Variants in RBMS3 observed in about 807,000 individuals in gnomAD.
RBMS3 encodes RNA-binding motif, single-stranded-interacting protein 3.
RBMS3 carries 27 observed loss-of-function variants against 66.8 expected under a neutral mutation model. The ratio of observed to expected loss-of-function variants is 0.40; its 90% CI spans 0.30 to 0.56. RBMS3 has a LOEUF of 0.56. Among genes scored for constraint, RBMS3 ranks in the 20% least tolerant of loss-of-function variants. The pLI, the probability that RBMS3 is intolerant of heterozygous loss-of-function variation, is 0.40. For missense variants in RBMS3, 513 were observed against 549.5 expected (o/e 0.93, Z 0.66); for synonymous variants, 188 against 183.0 (o/e 1.03, Z -0.22).
chr3:29,836,900 A>G lies in RBMS3; in HGVS notation c.638-31958A>G, dbSNP rs577615043. Among the ~76,000 whole-genome samples the G allele has an allele frequency of 5.3e-4, 80 of 152,028 alleles. 1 individual carries two copies. The highest frequency in any genetic ancestry group is 1.9e-3 in the African/African-American group (77 of 41,482). ...GTGGGGAGAAAACCTCTAATGTTTAACTTAAGTACAGGACAAAAAACTAGC... is the reference window on the plus strand; with the variant it reads ...GTGGGGAGAAAACCTCTAATGTTTAGCTTAAGTACAGGACAAAAAACTAGC... On this transcript the variant is annotated intron_variant, in intron 6 of 14. Coordinates refer to ENST00000383767, the MANE Select transcript of RBMS3 (RefSeq NM_001003793.3).
chr3:29,777,240 T>G (rs887980925), intron 6 of RBMS3, among the ~76,000 whole-genome samples: 1 of 151,908 alleles, frequency 6.6e-6, no homozygotes, highest in African/African-American at 2.4e-5. Context: ...ATACTGGGTG[T>G]CTATTTGTGA....
intron 3 of RBMS3, among the ~76,000 whole-genome samples, chr3:29,502,143 C>T (rs948230023): frequency 6.6e-6 from 1 of 151,990 alleles, no homozygotes; most frequent in Non-Finnish European, 1.5e-5. Flanking sequence ...TAAAACCAGC[C>T]CGCTTCACTC....
At chr3:29,722,824 A>G (rs12374076) in intron 4 of RBMS3, among the ~76,000 whole-genome samples, 83,051 of 151,748 alleles carry the variant, frequency 0.55, 23,040 homozygotes, top group African/African-American at 0.64. Flanking sequence ...GAGGCACAAG[A>G]TACTCATTCA....
Position 29,625,739 on chromosome 3 carries a change from A to AATAAATAT in RBMS3, c.399+38535_399+38536insTAAATATA, listed in dbSNP as rs150565021. On this transcript the variant is annotated intron_variant, in intron 4 of 14. Coordinates refer to ENST00000383767, the MANE Select transcript of RBMS3 (RefSeq NM_001003793.3). The stretch of plus-strand genomic sequence containing the variant: ...AAATAAATAAATAAATAAATAAATA[A>AATAAATAT]AAATAATCTTTTCTTGGTGAAGCTT... 4.4e-3 allele frequency among the ~76,000 whole-genome samples: 663 copies of AATAAATAT among 150,196 alleles called. 14 individuals are homozygous for AATAAATAT. Among genetic ancestry groups the AATAAATAT allele is most frequent in the African/African-American group, 8.5e-3 (344 of 40,524 alleles).
intron 1 of RBMS3, among the ~76,000 whole-genome samples, chr3:29,423,492 A>G (rs2040830390): frequency 6.6e-6 from 1 of 152,216 alleles, no homozygotes; most frequent in East Asian, 1.9e-4. Context: ...TATGGTTTCT[A>G]CTAAAAGGAG....
chr3:29,283,472 A>G (rs1242269238), intron 1 of RBMS3, among the ~76,000 whole-genome samples: 1 of 152,128 alleles, frequency 6.6e-6, no homozygotes, highest in Non-Finnish European at 1.5e-5. Flanking sequence ...TGTGTGCGAG[A>G]GAGAGAAAGA....
At chr3:29,976,766 A>G (rs937687566) in intron 12 of RBMS3, among the ~76,000 whole-genome samples, 1 of 149,410 alleles carries the variant, frequency 6.7e-6, no homozygotes. Flanking sequence ...AATGGTATCA[A>G]TTTGCCAAAC....
At chr3:29,591,129 G>A (rs1200680942) in intron 4 of RBMS3, among the ~76,000 whole-genome samples, 1 of 152,168 alleles carries the variant, frequency 6.6e-6, no homozygotes, top group African/African-American at 2.4e-5. Flanking sequence ...TCTGCAAGCA[G>A]AGAAAATTAA....
chr3:29,647,165 G>T (rs1176520634), intron 4 of RBMS3, among the ~76,000 whole-genome samples: 1 of 152,154 alleles, frequency 6.6e-6, no homozygotes, highest in African/African-American at 2.4e-5. Context: ...TTTTAGTAGA[G>T]ATGGGGTTTC....
At chr3:29,853,867 A>G (rs1384700522) in intron 6 of RBMS3, among the ~76,000 whole-genome samples, 1 of 152,006 alleles carries the variant, frequency 6.6e-6, no homozygotes, top group Non-Finnish European at 1.5e-5. Context: ...ACCTGCCCCT[A>G]CTTGCTAGTT....
rs1696500923 is a variant in RBMS3 at position 29,962,084 on chromosome 3, A to G, written c.1098+17830A>G. ...TAATATATTATTATATATTGTATATATAATAAGATATATATACATATCTTT... is the reference window on the plus strand; with the variant it reads ...TAATATATTATTATATATTGTATATGTAATAAGATATATATACATATCTTT... On this transcript the variant is annotated intron_variant, in intron 12 of 14. Coordinates refer to ENST00000383767, the MANE Select transcript of RBMS3 (RefSeq NM_001003793.3). Among the ~76,000 whole-genome samples the G allele has an allele frequency of 2.1e-5, 3 of 145,572 alleles. No homozygotes were observed. In the Admixed American group the frequency reaches 2.1e-4, roughly 10 times the overall value.
intron 3 of RBMS3, among the ~76,000 whole-genome samples, chr3:29,490,282 CA>C (rs1050840272): frequency 2.7e-5 from 4 of 146,210 alleles, no homozygotes; most frequent in East Asian, 4.0e-4. Context: ...GGAGTGGAAA[CA>C]AAAAAAAATG....
intron 14 of RBMS3, among the ~76,000 whole-genome samples, chr3:29,999,578 A>G (rs1378974821): frequency 6.6e-6 from 1 of 152,232 alleles, no homozygotes; most frequent in African/African-American, 2.4e-5. Context: ...CTATGCAGCC[A>G]CAAAAAATGA....
chr3:29,430,080 T>C (rs1424667172), intron 1 of RBMS3, among the ~76,000 whole-genome samples: 1 of 152,164 alleles, frequency 6.6e-6, no homozygotes, highest in Non-Finnish European at 1.5e-5. Context: ...TTCCGGGAAC[T>C]TTCTGCCAAC....
intron 1 of RBMS3, among the ~76,000 whole-genome samples, chr3:29,384,152 C>CA (rs61402359): frequency 6.6e-6 from 1 of 151,794 alleles, no homozygotes; most frequent in Non-Finnish European, 1.5e-5. Flanking sequence ...AGCATATCTA[C>CA]AAAAAATACA....
At chr3:29,763,044 T>G in intron 6 of RBMS3, 55 bp downstream of exon 6, 1 of 1,210,294 alleles carries the variant, frequency 8.3e-7, no homozygotes, top group South Asian at 1.3e-5. Flanking sequence ...ATTGCTCTTA[T>G]TAGAATAAGT....
intron 4 of RBMS3, among the ~76,000 whole-genome samples, chr3:29,626,165 C>T (rs148599055): frequency 0.014 from 2,101 of 152,202 alleles, 16 homozygotes; most frequent in Non-Finnish European, 0.014. Flanking sequence ...AAATGTAAAA[C>T]GGGCTTAGCA....
At chr3:29,909,894 G>A (rs1900905) in intron 10 of RBMS3, among the ~76,000 whole-genome samples, 3,552 of 152,132 alleles carry the variant, frequency 0.023, 154 homozygotes, top group African/African-American at 0.082. Context: ...TCACTTTTTA[G>A]AACAGCAGGC....
At chr3:29,747,991 T>C (rs1420730348) in intron 5 of RBMS3, among the ~76,000 whole-genome samples, 2 of 152,070 alleles carry the variant, frequency 1.3e-5, no homozygotes, top group African/African-American at 4.8e-5. Flanking sequence ...AATAAGTATG[T>C]AATAAACAAA....
Sources: allele counts gnomAD v4.1 joint callset (sites outside exome capture counted in the v4.1 genomes callset), GRCh38; gene constraint gnomAD v4.1.1; transcripts MANE v1.5; gene names NCBI Gene and HGNC (gene_info 2026-07-23, HGNC 2026-07-21).